SLC24A3: variants seen among roughly 807,000 people sequenced by gnomAD.
SLC24A3 encodes the protein sodium/potassium/calcium exchanger 3.
SLC24A3 carries 28 observed loss-of-function variants against 75.8 expected under a neutral mutation model. The observed-to-expected ratio is 0.37, with a 90% CI of 0.27 to 0.51. The LOEUF (loss-of-function observed/expected upper bound fraction) is 0.51. Ranked by LOEUF, SLC24A3 falls within the 20% of genes least tolerant of loss-of-function variation. The pLI is 0.94. For missense variants in SLC24A3, 663 were observed against 847.8 expected (o/e 0.78, Z 2.71); for synonymous variants, 372 against 334.1 (o/e 1.11, Z -1.24).
chr20:19,584,220 G>T lies in SLC24A3; in HGVS notation c.424-751G>T, dbSNP rs3790265. 3.2e-4 allele frequency among the ~76,000 whole-genome samples: 48 copies of T among 152,276 alleles called. No homozygotes were observed. The East Asian group carries it at 8.7e-3, about 28-fold the overall frequency. ...TTTAACAAACAGAGTAACCTGGAGA[G>T]CTCATTGTATAAACCCCGTCTTGGC... On this transcript the variant is annotated intron_variant, in intron 4 of 16. Transcript: ENST00000328041.
chr20:19,303,898 T>G (rs1568584069), intron 2 of SLC24A3, among the ~76,000 whole-genome samples: 1 of 152,166 alleles, frequency 6.6e-6, no homozygotes, highest in Non-Finnish European at 1.5e-5. Context: ...TGCTGACTAT[T>G]CACCCATGGC....
chr20:19,574,291 T>C (rs2031097407), intron 3 of SLC24A3, among the ~76,000 whole-genome samples: 1 of 152,354 alleles, frequency 6.6e-6, no homozygotes, highest in Non-Finnish European at 1.5e-5. Context: ...TCTTGGAAGT[T>C]ACTCGTTATT....
intron 2 of SLC24A3, among the ~76,000 whole-genome samples, chr20:19,295,304 A>C (rs1367955763): frequency 6.6e-6 from 1 of 152,344 alleles, no homozygotes; most frequent in East Asian, 1.9e-4. Flanking sequence ...TGTAATCTGC[A>C]AACAGAGACA....
At chr20:19,223,285 T>C (rs994274895) in intron 1 of SLC24A3, among the ~76,000 whole-genome samples, 5 of 104,608 alleles carry the variant, frequency 4.8e-5, no homozygotes, top group African/African-American at 2.2e-4. Context: ...AGAGCCAAGC[T>C]CTGTCTCGGG....
At chr20:19,386,099 A>C (rs1321032627) in intron 2 of SLC24A3, among the ~76,000 whole-genome samples, 1 of 152,154 alleles carries the variant, frequency 6.6e-6, no homozygotes, top group East Asian at 1.9e-4. Flanking sequence ...TTTTTTCAGC[A>C]GTGCTTCATA....
rs528408490 is a variant in SLC24A3, at chr20:19,270,826, T to C, written c.143-10133T>C. Among the ~76,000 whole-genome samples the C allele has an allele frequency of 2.6e-5, 4 of 151,336 alleles. No individual in the cohort carries two copies. In the East Asian group the frequency reaches 5.9e-4, roughly 22 times the overall value. ...GGTGGAAGAAAGAGAGAGAGAGAGA[T>C]ACTAGAAGAGAGGAGAGAGAGAGGA... On this transcript the variant is annotated intron_variant, in intron 1 of 16. Coordinates refer to ENST00000328041, the MANE Select transcript of SLC24A3 (RefSeq NM_020689.4).
chr20:19,269,285 A>G (rs1001012516), intron 1 of SLC24A3, among the ~76,000 whole-genome samples: 1 of 152,228 alleles, frequency 6.6e-6, no homozygotes, highest in Admixed American at 6.5e-5. Context: ...TCATCATGGT[A>G]TTTGGGAGTT....
At chr20:19,280,191 T>C (rs1983617462) in intron 1 of SLC24A3, among the ~76,000 whole-genome samples, 1 of 152,166 alleles carries the variant, frequency 6.6e-6, no homozygotes, top group African/African-American at 2.4e-5. Flanking sequence ...CCTGTGTTCT[T>C]TCTTCTGGCA....
At chr20:19,327,537 T>G (rs1171506504) in intron 2 of SLC24A3, among the ~76,000 whole-genome samples, 1 of 152,224 alleles carries the variant, frequency 6.6e-6, no homozygotes, top group East Asian at 1.9e-4. Context: ...TGACAAGGGT[T>G]GTACAAGGTC....
chr20:19,538,809 A>G (rs777897969), intron 3 of SLC24A3, among the ~76,000 whole-genome samples: 3 of 152,230 alleles, frequency 2.0e-5, no homozygotes, highest in East Asian at 1.9e-4. Context: ...TGAAGGTACT[A>G]GAATATCCAC....
At chr20:19,472,383 C>A (rs899978691) in intron 2 of SLC24A3, among the ~76,000 whole-genome samples, 1 of 152,228 alleles carries the variant, frequency 6.6e-6, no homozygotes, top group African/African-American at 2.4e-5. Context: ...TCTTTACCTT[C>A]CAGAGAAACT....
intron 7 of SLC24A3, among the ~76,000 whole-genome samples, chr20:19,660,584 T>C (rs1282225354): frequency 6.6e-6 from 1 of 152,214 alleles, no homozygotes; most frequent in Non-Finnish European, 1.5e-5. Context: ...CTGTGAATTG[T>C]GCTGTGATAA....
At chr20:19,362,302 C>T (rs987275467) in intron 2 of SLC24A3, among the ~76,000 whole-genome samples, 4 of 152,158 alleles carry the variant, frequency 2.6e-5, no homozygotes, top group African/African-American at 9.7e-5. Flanking sequence ...CATGTATCAC[C>T]TCAGAGTTTT....
rs2030251543 is a variant in SLC24A3, at chr20:19,529,240, TACA to T, written c.348+13680_348+13682del. Reference sequence around the variant, plus strand: ...AAATATGTGTCTCCGTGGCAACCCATACAACACTTTTTGGGTTTACATAGAGTC... The same window carrying T: ...AAATATGTGTCTCCGTGGCAACCCATACACTTTTTGGGTTTACATAGAGTC... On this transcript the variant is annotated intron_variant, in intron 3 of 16. Transcript: ENST00000328041. Among the ~76,000 whole-genome samples, 3 of 152,078 alleles carry T rather than the reference TACA, an allele frequency of 2.0e-5. No individual in the cohort carries two copies. In the South Asian group the frequency reaches 6.2e-4, roughly 32 times the overall value.
At chr20:19,694,529 G>C (rs993792280) in intron 13 of SLC24A3, 8 of 151,998 alleles carry the variant, frequency 5.3e-5, no homozygotes. Context: ...TTATAGCCAG[G>C]GGTTTCTCCC....
At chr20:19,222,769 C>T (rs1341572259) in intron 1 of SLC24A3, among the ~76,000 whole-genome samples, 10 of 140,284 alleles carry the variant, frequency 7.1e-5, no homozygotes, top group East Asian at 2.7e-4. Flanking sequence ...TTCCCTCCTC[C>T]CCTTCCCCTC....
At chr20:19,236,354 G>A (rs1315127999) in intron 1 of SLC24A3, among the ~76,000 whole-genome samples, 1 of 152,160 alleles carries the variant, frequency 6.6e-6, no homozygotes, top group Non-Finnish European at 1.5e-5. Flanking sequence ...AGCCAGCAGT[G>A]CCTTCCTAGA....
chr20:19,441,086 G>C (rs1987291160), intron 2 of SLC24A3, among the ~76,000 whole-genome samples: 1 of 152,190 alleles, frequency 6.6e-6, no homozygotes. Flanking sequence ...GGGTGAGGCA[G>C]CTTTTGAAAC....
intron 3 of SLC24A3, among the ~76,000 whole-genome samples, chr20:19,540,479 G>A (rs1340119619): frequency 2.0e-5 from 3 of 152,172 alleles, no homozygotes; most frequent in Non-Finnish European, 4.4e-5. Flanking sequence ...GTCTGCCTTG[G>A]AAACGCAAAA....
Sources: allele counts gnomAD v4.1 joint callset (sites outside exome capture counted in the v4.1 genomes callset), GRCh38; gene constraint gnomAD v4.1.1; transcripts MANE v1.5; gene names NCBI Gene and HGNC (gene_info 2026-07-23, HGNC 2026-07-21).